The following RCC1 variants were observed in gnomAD, a reference collection of about 807,000 sequenced individuals.
RCC1 encodes regulator of chromosome condensation 1.
RCC1 carries 11 observed loss-of-function variants against 44.4 expected under a neutral mutation model. That is an observed-to-expected ratio of 0.25 (90% CI 0.16 to 0.41). The LOEUF (loss-of-function observed/expected upper bound fraction) is 0.41, where lower values mean the gene tolerates loss of function less well. Among genes scored for constraint, RCC1 ranks in the 10% least tolerant of loss-of-function variants. The pLI, the probability that RCC1 is intolerant of heterozygous loss-of-function variation, is 1.00. For synonymous variants in RCC1, 213 were observed against 216.5 expected, an observed-to-expected ratio of 0.98 and a Z score of 0.14; for missense variants, 386 against 547.1, an observed-to-expected ratio of 0.71 and a Z score of 2.94.
intron 7 of RCC1, among the ~76,000 whole-genome samples, chr1:28,533,231 G>T (rs1664290812): frequency 6.6e-6 from 1 of 152,068 alleles, no homozygotes; most frequent in Non-Finnish European, 1.5e-5. Flanking sequence ...CAGCACTTTG[G>T]GATGCCAAGA....
intron 3 of RCC1, among the ~76,000 whole-genome samples, chr1:28,511,747 A>C (rs1570167661): frequency 3.6e-5 from 5 of 138,706 alleles, no homozygotes; most frequent in Admixed American, 7.4e-5. Flanking sequence ...TGCAACCTCC[A>C]CCTCCCGGGT....
Position 28,536,948 on chromosome 1 carries a change from G to A in RCC1, c.1090+49G>A. 6.2e-7 allele frequency: 1 copy of A among 1,603,510 alleles called. No individual in the cohort carries two copies. Among genetic ancestry groups the A allele is most frequent in the Non-Finnish European group, 8.5e-7 (1 of 1,172,194 alleles). ...GTCTAGTTGGGACCTGGGGGTCATGGTTCTTACCCAATTCCCCAATAGGCT... is the reference window on the plus strand; with the variant it reads ...GTCTAGTTGGGACCTGGGGGTCATGATTCTTACCCAATTCCCCAATAGGCT... On this transcript the variant is annotated intron_variant, in intron 12 of 12. Transcript: ENST00000683442. The surrounding 1 kb of genome is among the most constrained non-coding windows in gnomAD (Gnocchi z 4.9).
At chr1:28,513,584 AC>A (rs1662689294) in intron 3 of RCC1, among the ~76,000 whole-genome samples, 1 of 150,138 alleles carries the variant, frequency 6.7e-6, no homozygotes, top group Non-Finnish European at 1.5e-5. Flanking sequence ...TAGGCTATTT[AC>A]TTTTTTTTTT....
intron 4 of RCC1, among the ~76,000 whole-genome samples, chr1:28,522,326 A>G (rs1663336400): frequency 6.6e-6 from 1 of 152,156 alleles, no homozygotes; most frequent in Non-Finnish European, 1.5e-5. Flanking sequence ...TGGGTCTGGC[A>G]AGGAGATTGT....
In RCC1 at chr1:28,535,259, A is replaced by G. The variant is rs202021448; in HGVS notation, c.540A>G (p.Gly180=). 127 of 1,614,062 alleles carry G rather than the reference A, an allele frequency of 7.9e-5. No homozygotes were observed. The highest frequency in any genetic ancestry group is 9.4e-5 in the Non-Finnish European group (111 of 1,180,034). ...LDVPVVKVAS[G]NDHLVMLTAD... Reference sequence around the variant, plus strand: ...CATCCCTTACCTTTTCATCCTTAGGAAACGACCACTTGGTGATGCTGACAG... The same window carrying G: ...CATCCCTTACCTTTTCATCCTTAGGGAACGACCACTTGGTGATGCTGACAG... The change falls in exon 9 of 13, where the codon GGA becomes GGG. Residue 180 remains glycine (G), a splice_region_variant and synonymous_variant. Transcript: ENST00000683442.
chr1:28,530,237 G>A (rs1199486674), intron 5 of RCC1, among the ~76,000 whole-genome samples: 2 of 151,752 alleles, frequency 1.3e-5, no homozygotes, highest in South Asian at 2.1e-4. Context: ...CTGACTTTCC[G>A]ACATGGGTTC....
chr1:28,536,113 G>T lies in RCC1; in HGVS notation c.817+87G>T. ...CACTCATTCATTGTGCATCCTTTGC[G>T]GGGTCGTCTAACCCCTCCAAGCCAG... On this transcript the variant is annotated intron_variant, in intron 10 of 12. Transcript: ENST00000683442. This position sits in a 1 kb window ranked among gnomAD's most constrained non-coding sequence, Gnocchi z 4.9. The T allele has an allele frequency of 1.9e-6, 3 of 1,544,280 alleles. No homozygotes were observed. The highest frequency in any genetic ancestry group is 1.4e-5 in the African/African-American group (1 of 73,080).
At chr1:28,524,313 A>G (rs1663502570) in intron 4 of RCC1, among the ~76,000 whole-genome samples, 1 of 152,204 alleles carries the variant, frequency 6.6e-6, no homozygotes. Context: ...TGGTCATTTA[A>G]GCCCAAGCCT....
In RCC1 at chr1:28,535,756, A is replaced by G. The variant is rs534331082; in HGVS notation, c.662-115A>G. 99 of 1,119,086 alleles carry G rather than the reference A, an allele frequency of 8.8e-5. No individual in the cohort carries two copies. The South Asian group carries it at 1.3e-3, about 14-fold the overall frequency. The allele number at this position is 1,119,086 out of a possible 1,614,324, so 69.3% of individuals were successfully genotyped here. A position where few individuals can be genotyped will look rare whatever the true frequency, so the allele number is the denominator to read the frequency against. On this transcript the variant is annotated intron_variant, in intron 9 of 12. Coordinates refer to ENST00000683442, the MANE Select transcript of RCC1 (RefSeq NM_001381865.2). ...TTTCCTTTTCTATAAAATAGGGATA[A>G]GAGTCCCTACTTAGCCTCTCAAGGG...
At chr1:28,537,298 G>T (rs1041639614) in intron 12 of RCC1, among the ~76,000 whole-genome samples, 2 of 152,006 alleles carry the variant, frequency 1.3e-5, no homozygotes, top group East Asian at 3.9e-4. Context: ...GAAAAAAAAA[G>T]GCTTAGTAGT....
chr1:28,509,095 G>A (rs567900277), intron 3 of RCC1, 190 bp downstream of exon 3: 5 of 353,434 alleles, frequency 1.4e-5, no homozygotes, highest in African/African-American at 2.2e-5. Flanking sequence ...AAGCCACCAC[G>A]CCCAGCCCTC....
At chr1:28,509,010 G>A (rs1377964077) in intron 3 of RCC1, 105 bp downstream of exon 3, 1 of 419,196 alleles carries the variant, frequency 2.4e-6, no homozygotes, top group Admixed American at 2.9e-5. Context: ...GTCTTGCTCT[G>A]TCGCCCAGGC....
rs751999502 is a variant in RCC1 at position 28,508,919 on chromosome 1, T to A, written c.-153+14T>A. The A allele has an allele frequency of 3.9e-6, 2 of 509,356 alleles. No homozygotes were observed. The highest frequency in any genetic ancestry group is 3.9e-5 in the African/African-American group (2 of 51,770). 31.6% of individuals were successfully genotyped at this position (509,356 alleles called of 1,614,324 possible). On this transcript the variant is annotated intron_variant, in intron 3 of 12. Transcript: ENST00000683442. ...AAGGGAGAGTAGGTAAACTGATTTT[T>A]TTTTTTAACAGGGAGGGTTTGACAA...
intron 4 of RCC1, among the ~76,000 whole-genome samples, chr1:28,524,702 A>G (rs1028157661): frequency 6.6e-6 from 1 of 152,120 alleles, no homozygotes; most frequent in Admixed American, 6.6e-5. Context: ...TGCAAAATAT[A>G]CAAAAATTAG....
intron 4 of RCC1, among the ~76,000 whole-genome samples, chr1:28,521,413 A>C (rs1272202419): frequency 2.7e-5 from 4 of 149,382 alleles, no homozygotes; most frequent in Non-Finnish European, 5.9e-5. Flanking sequence ...AGGCAGGAGA[A>C]TGGCGTGAAC....
In RCC1 at chr1:28,536,063, G is replaced by T; in HGVS notation, c.817+37G>T. The T allele has an allele frequency of 1.3e-6, 2 of 1,577,898 alleles. No homozygotes were observed. The highest frequency in any genetic ancestry group is 1.7e-6 in the Non-Finnish European group (2 of 1,160,068). On this transcript the variant is annotated intron_variant, in intron 10 of 12. Transcript: ENST00000683442. This position sits in a 1 kb window ranked among gnomAD's most constrained non-coding sequence, Gnocchi z 4.9. Reference sequence around the variant, plus strand: ...GCCCAGCTTCAGGCATGACCCAGTGGCCTGCGTTCCTGTCCTGGCTCTGCC... The same window carrying T: ...GCCCAGCTTCAGGCATGACCCAGTGTCCTGCGTTCCTGTCCTGGCTCTGCC...
At chr1:28,507,637 C>G (rs764981504) in intron 1 of RCC1, 77 of 430,758 alleles carry the variant, frequency 1.8e-4, no homozygotes, top group Middle Eastern at 8.8e-4. Flanking sequence ...TGGAGTCGCT[C>G]TGTTGCCCAG....
In RCC1 at chr1:28,526,852, G is replaced by C. The variant is rs112899371; in HGVS notation, c.-9-3006G>C. ...GGGGAGGTTGCAGTGAGCCGAGATC[G>C]TGCCACTGCACTCCAGCCTGGGTGA... On this transcript the variant is annotated intron_variant, in intron 4 of 12. Coordinates refer to ENST00000683442, the MANE Select transcript of RCC1 (RefSeq NM_001381865.2). The C allele has an allele frequency of 1.3e-5, 8 of 635,504 alleles. 1 individual carries two copies. Among genetic ancestry groups the C allele is most frequent in the Non-Finnish European group, 2.3e-5 (8 of 352,442 alleles). The allele number at this position is 635,504 out of a possible 1,614,324, so 39.4% of individuals were successfully genotyped here.
At chr1:28,520,572 G>A (rs930524371) in intron 4 of RCC1, among the ~76,000 whole-genome samples, 2 of 152,134 alleles carry the variant, frequency 1.3e-5, no homozygotes, top group Admixed American at 6.5e-5. Context: ...GGATGAGTCT[G>A]CTCACCTCAA....
Sources: allele counts gnomAD v4.1 joint callset (sites outside exome capture counted in the v4.1 genomes callset), GRCh38; gene constraint gnomAD v4.1.1; non-coding constraint Gnocchi (gnomAD v3.1); transcripts MANE v1.5; gene names NCBI Gene and HGNC (gene_info 2026-07-23, HGNC 2026-07-21).